The following SYMPK variants were observed in gnomAD, a reference collection of about 807,000 sequenced individuals.
The protein encoded by SYMPK is symplekin scaffold protein.
Under a neutral mutation model 136.4 loss-of-function variants are expected in SYMPK, and 49 were observed. That is an observed-to-expected ratio of 0.36 (90% CI 0.29 to 0.46). The LOEUF (loss-of-function observed/expected upper bound fraction) is 0.46. Ranked by LOEUF, SYMPK falls within the 20% of genes least tolerant of loss-of-function variation. SYMPK has a pLI of 1.00. For missense variants in SYMPK, 1,365 were observed against 1,690.0 expected, an observed-to-expected ratio of 0.81 and a Z score of 3.37; for synonymous variants, 766 against 713.0, an observed-to-expected ratio of 1.07 and a Z score of -1.19.
intron 10 of SYMPK, among the ~76,000 whole-genome samples, chr19:45,835,960 G>C (rs1971291861): frequency 6.6e-6 from 1 of 151,710 alleles, no homozygotes; most frequent in Non-Finnish European, 1.5e-5. Context: ...AAGAGGTTCA[G>C]TGAAGAGTGT....
chr19:45,854,099 A>T, intron 3 of SYMPK, 76 bp downstream of exon 3: 2 of 1,365,484 alleles, frequency 1.5e-6, no homozygotes, highest in Non-Finnish European at 2.1e-6. Flanking sequence ...CACTGGTGTT[A>T]CTGCAAGTGT....
At chr19:45,827,111 G>A (rs1331801937) in intron 16 of SYMPK, among the ~76,000 whole-genome samples, 3 of 152,180 alleles carry the variant, frequency 2.0e-5, no homozygotes, top group Non-Finnish European at 2.9e-5. Context: ...AGCACGCTGT[G>A]TCCTCACTGC....
intron 10 of SYMPK, among the ~76,000 whole-genome samples, chr19:45,836,912 T>A (rs17651195): frequency 0.14 from 21,737 of 152,152 alleles, 1,631 homozygotes; most frequent in South Asian, 0.18. Context: ...AACAGAAAGA[T>A]AATGAAACTG....
At chr19:45,851,826 A>T (rs1394434659) in intron 5 of SYMPK, among the ~76,000 whole-genome samples, 1 of 152,186 alleles carries the variant, frequency 6.6e-6, no homozygotes, top group Non-Finnish European at 1.5e-5. Flanking sequence ...GTGAGCCGAG[A>T]TTGCGCCACT....
intron 10 of SYMPK, 70 bp downstream of exon 10, chr19:45,838,391 G>A: frequency 6.5e-7 from 1 of 1,529,356 alleles, no homozygotes; most frequent in Non-Finnish European, 8.9e-7. Flanking sequence ...GTGTGAAGTG[G>A]AGGCAGGTGA....
chr19:45,816,556 T>A lies in SYMPK; in HGVS notation c.3280A>T (p.Ile1094Phe). The A allele has an allele frequency of 6.2e-7, 1 of 1,613,602 alleles. No individual in the cohort carries two copies. The highest frequency in any genetic ancestry group is 8.5e-7 in the Non-Finnish European group (1 of 1,179,934). The change falls in exon 25 of 27, where the codon ATC (isoleucine) becomes TTC (phenylalanine). Residue 1094 changes from isoleucine to phenylalanine, a missense_variant. Physicochemically the swap from Ile to Phe is conservative, Grantham distance 21. Transcript: ENST00000245934. Reference sequence around the variant, plus strand: ...CCGCTGGCCTCCAAGATGGTCATGATGGAGTTAGGGATGTGAGCTTGCTGG... The same window carrying A: ...CCGCTGGCCTCCAAGATGGTCATGAAGGAGTTAGGGATGTGAGCTTGCTGG... The part of the protein sequence containing the change: ...PHQQAHIPNS[I>F]MTILEASGKQ...
chr19:45,854,765 A>G (rs1971781042), intron 1 of SYMPK: 1 of 498,706 alleles, frequency 2.0e-6, no homozygotes, highest in Non-Finnish European at 3.7e-6. Flanking sequence ...GGCCAACCAC[A>G]AACAGCTGCT....
chr19:45,854,870 G>T, intron 1 of SYMPK: 1 of 191,360 alleles, frequency 5.2e-6, no homozygotes, highest in Non-Finnish European at 1.1e-5. Flanking sequence ...GGGCACCACA[G>T]CAAACTTTCT....
At chr19:45,861,405 A>T (rs1052570911) in intron 1 of SYMPK, among the ~76,000 whole-genome samples, 4 of 152,146 alleles carry the variant, frequency 2.6e-5, no homozygotes, top group East Asian at 1.9e-4. Context: ...AAATGAAAAT[A>T]AAAAAACCCA....
rs1600493268 is a variant in SYMPK at position 45,821,941 on chromosome 19, G to A, written c.2792-456C>T. ...GGCCTGGGGGAGTGGAGGGGAGGCTGGTGGAGTGGCTCTTTGCTGCTGCTA... is the reference window on the plus strand; with the variant it reads ...GGCCTGGGGGAGTGGAGGGGAGGCTAGTGGAGTGGCTCTTTGCTGCTGCTA... On this transcript the variant is annotated intron_variant, in intron 21 of 26. Coordinates refer to ENST00000245934, the MANE Select transcript of SYMPK (RefSeq NM_004819.3). The surrounding 1 kb of genome is among the most constrained non-coding windows in gnomAD (Gnocchi z 4.4). 6.6e-6 allele frequency among the ~76,000 whole-genome samples: 1 copy of A among 152,140 alleles called. No individual in the cohort carries two copies. Among genetic ancestry groups the A allele is most frequent in the South Asian group, 2.1e-4 (1 of 4,826 alleles).
intron 18 of SYMPK, 103 bp from the exon 19 acceptor site, chr19:45,823,978 G>A (rs1268946405): frequency 2.7e-6 from 2 of 743,398 alleles, no homozygotes; most frequent in Admixed American, 2.2e-5. Context: ...CGCCCAGGGT[G>A]AGACTGAGGT....
At chr19:45,853,466 C>T (rs1049239215) in intron 3 of SYMPK, among the ~76,000 whole-genome samples, 5 of 152,062 alleles carry the variant, frequency 3.3e-5, no homozygotes, top group Non-Finnish European at 5.9e-5. Context: ...TGGTGAAACG[C>T]GTCTCTACTA....
In SYMPK at chr19:45,816,157, G is replaced by T. The variant is rs1132645; in HGVS notation, c.3381C>A (p.Ala1127=). The change falls in exon 26 of 27, where the codon GCC becomes GCA. Residue 1127 remains alanine (A), a synonymous_variant. Transcript: ENST00000245934. ...EEDDLEPLTL[A]PAPAPRPPQD... is the part of the protein sequence containing the mutation. ...GAGGGGGCCGGGGTGCTGGGGCCGG[G>T]GCCAAGGTCAGGGGCTCCAGATCAT... is the stretch of plus-strand genomic sequence containing the variant. The T allele has an allele frequency of 6.5e-7, 1 of 1,543,882 alleles. No homozygotes were observed. Among genetic ancestry groups the T allele is most frequent in the South Asian group, 1.2e-5 (1 of 84,244 alleles).
At chr19:45,834,821 A>G (rs1410389029) in intron 11 of SYMPK, among the ~76,000 whole-genome samples, 1 of 152,234 alleles carries the variant, frequency 6.6e-6, no homozygotes. Context: ...CAGAGAGGTT[A>G]ACTAACTTGA....
At chr19:45,846,897 G>A (rs950082943) in intron 7 of SYMPK, among the ~76,000 whole-genome samples, 1 of 151,688 alleles carries the variant, frequency 6.6e-6, no homozygotes, top group Non-Finnish European at 1.5e-5. Context: ...GGGTTCAAGC[G>A]ATTCTCGTGC....
At chr19:45,815,768 G>A in intron 26 of SYMPK, 71 bp from the exon 27 acceptor site, 1 of 1,588,328 alleles carries the variant, frequency 6.3e-7, no homozygotes, top group South Asian at 1.1e-5. Context: ...TTCAGGCCCT[G>A]CCCCCTGATG....
At chr19:45,832,308 A>G (rs970013701) in intron 11 of SYMPK, among the ~76,000 whole-genome samples, 8 of 151,530 alleles carry the variant, frequency 5.3e-5, no homozygotes, top group African/African-American at 1.9e-4. Flanking sequence ...CACCCAGCTA[A>G]TTTTTTTGTT....
Position 45,827,856 on chromosome 19 carries a change from C to G in SYMPK, c.2048G>C (p.Arg683Pro). ...CCTCACCTCATCCTCGCAGTACTTGCGGACCACCTCCAGGGCACTCTCTGT... is the reference window on the plus strand; with the variant it reads ...CCTCACCTCATCCTCGCAGTACTTGGGGACCACCTCCAGGGCACTCTCTGT... ...LITESALEVV[R>P]KYCEDESRTY... The change falls in exon 15 of 27, where the codon CGC (arginine) becomes CCC (proline). Residue 683 changes from arginine to proline, a missense_variant. Physicochemically the swap from Arg to Pro is moderately radical, Grantham distance 103 (BLOSUM62 -2). Around this residue, in one of 11 missense-constraint regions of SYMPK, gnomAD observed 303 missense variants for 326.6 expected, o/e 0.93. Transcript: ENST00000245934. 3 of 1,614,010 alleles carry G rather than the reference C, an allele frequency of 1.9e-6. No individual in the cohort carries two copies. The highest frequency in any genetic ancestry group is 2.5e-6 in the Non-Finnish European group (3 of 1,180,016).
chr19:45,848,786 G>A lies in SYMPK; in HGVS notation c.390C>T (p.Ile130=). 6.2e-7 allele frequency: 1 copy of A among 1,613,926 alleles called. No homozygotes were observed. Among genetic ancestry groups the A allele is most frequent in the South Asian group, 1.1e-5 (1 of 91,066 alleles). ...DENVNVVKKA[I]LTMTQLYKVA... ...CCTTGTAGAGCTGGGTCATGGTGAG[G>A]ATAGCCTTCTTCACCACGTTCACAT... The change falls in exon 6 of 27, where the codon ATC becomes ATT. Residue 130 remains isoleucine (I), a synonymous_variant. Transcript: ENST00000245934.
Sources: gnomAD v4.1 joint callset for allele counts (sites outside exome capture counted in the v4.1 genomes callset) on GRCh38, gnomAD v4.1.1 for gene constraint, gnomAD v4.1.1 regional missense constraint, Gnocchi (gnomAD v3.1) non-coding constraint, MANE v1.5 for transcripts, NCBI Gene and HGNC (gene_info 2026-07-23, HGNC 2026-07-21) for gene names.